RGS6: variants seen among roughly 807,000 people sequenced by gnomAD.
The protein encoded by RGS6 is regulator of G protein signaling 6.
In RGS6, 30 loss-of-function variants were observed where a neutral mutation model predicts 78.5. The ratio of observed to expected loss-of-function variants is 0.38; its 90% CI spans 0.29 to 0.52. The LOEUF (loss-of-function observed/expected upper bound fraction) is 0.52. Among genes scored for constraint, RGS6 ranks in the 20% least tolerant of loss-of-function variants. RGS6 has a pLI of 0.85. For synonymous variants in RGS6, 206 were observed against 206.0 expected, an observed-to-expected ratio of 1.00 and a Z score of 0.00; for missense variants, 495 against 609.7, an observed-to-expected ratio of 0.81 and a Z score of 1.98.
At chr14:71,872,226 C>T in the RGS6 span, among the ~76,000 whole-genome samples, 1 of 152,214 alleles carries the variant, frequency 6.6e-6, no homozygotes, top group Non-Finnish European at 1.5e-5. Flanking sequence ...TTCTACACTT[C>T]CATCCACAGG....
intron 2 of RGS6, among the ~76,000 whole-genome samples, chr14:72,301,256 ATT>A (rs2065990487): frequency 6.6e-6 from 1 of 152,176 alleles, no homozygotes; most frequent in South Asian, 2.1e-4. Flanking sequence ...GGAACTTTTG[ATT>A]TATTTGTCAT....
chr14:72,111,585 G>A (rs550434973), intron 2 of RGS6, among the ~76,000 whole-genome samples: 7 of 152,230 alleles, frequency 4.6e-5, no homozygotes, highest in African/African-American at 1.7e-4. Context: ...CATGTTAAAA[G>A]GCCTAGTAAA....
At chr14:72,395,386 C>T (rs1417673811) in intron 3 of RGS6, among the ~76,000 whole-genome samples, 1 of 151,914 alleles carries the variant, frequency 6.6e-6, no homozygotes, top group East Asian at 1.9e-4. Flanking sequence ...GATAGACACA[C>T]TATAAAAATG....
At chr14:72,234,588 T>C (rs2153815487) in intron 2 of RGS6, among the ~76,000 whole-genome samples, 1 of 152,268 alleles carries the variant, frequency 6.6e-6, no homozygotes, top group Middle Eastern at 3.4e-3. Context: ...TACAGAGCTG[T>C]GATCGTCTTG....
At chr14:72,188,601 C>T (rs1012754842) in intron 2 of RGS6, among the ~76,000 whole-genome samples, 6 of 152,292 alleles carry the variant, frequency 3.9e-5, no homozygotes, top group African/African-American at 1.2e-4. Flanking sequence ...GTCATTGTTA[C>T]GTTGCATTCA....
At chr14:72,558,624 A>G (rs1289773684) in intron 17 of RGS6, among the ~76,000 whole-genome samples, 1 of 152,190 alleles carries the variant, frequency 6.6e-6, no homozygotes, top group African/African-American at 2.4e-5. Context: ...ACCTTCTTCC[A>G]GGCTCCTAGC....
At position 72,518,485 on chromosome 14, in the gene RGS6, T is replaced by C. The variant is rs768999773; in HGVS notation, c.1226T>C (p.Ile409Thr). The change falls in exon 15 of 18, where the codon ATA becomes ACA. Residue 409 changes from isoleucine (I) to threonine (T), a missense_variant. Transcript: ENST00000553525. ...AINLDSHSYEITSQNVKDGGR... is the reference protein window; with the variant it reads ...AINLDSHSYETTSQNVKDGGR... ...AACCTGGATTCTCACAGCTATGAGA[T>C]AACCAGTCAAAATGTCAAAGATGGA... is the stretch of plus-strand genomic sequence containing the variant. 1 of 1,614,244 alleles carries C rather than the reference T, an allele frequency of 6.2e-7. No individual in the cohort carries two copies.
chr14:72,242,752 A>G (rs2053189013), intron 2 of RGS6, among the ~76,000 whole-genome samples: 1 of 151,260 alleles, frequency 6.6e-6, no homozygotes, highest in East Asian at 2.0e-4. Flanking sequence ...TCACTACTGT[A>G]TGGACAAGGG....
intron 2 of RGS6, among the ~76,000 whole-genome samples, chr14:71,994,247 C>T (rs544606729): frequency 6.6e-6 from 1 of 152,120 alleles, no homozygotes; most frequent in Admixed American, 6.5e-5. Flanking sequence ...GGGCCTCCCT[C>T]AATACCAAGG....
the RGS6 span, among the ~76,000 whole-genome samples, chr14:71,890,358 CAGAGAGAGAGAGAG>C: frequency 1.5e-5 from 2 of 133,008 alleles, no homozygotes. Context: ...GTGCATAAGA[CAGAGAGAGAGAGAG>C]AGAGAGAGAG....
chr14:72,625,801 C>G, the RGS6 span, among the ~76,000 whole-genome samples: 1 of 152,190 alleles, frequency 6.6e-6, no homozygotes, highest in Non-Finnish European at 1.5e-5. Context: ...CTATTCCAAA[C>G]CAATGCCTTC....
At chr14:72,413,707 C>T (rs559365967) in intron 3 of RGS6, among the ~76,000 whole-genome samples, 5 of 152,096 alleles carry the variant, frequency 3.3e-5, no homozygotes, top group African/African-American at 4.8e-5. Flanking sequence ...GCTGGTACTG[C>T]GGTTGTTCCT....
intron 2 of RGS6, among the ~76,000 whole-genome samples, chr14:71,999,372 C>T (rs183478107): frequency 1.6e-4 from 25 of 152,230 alleles, no homozygotes; most frequent in East Asian, 1.2e-3. Flanking sequence ...TAAATGCTCC[C>T]GGGATGGTGC....
the RGS6 span, among the ~76,000 whole-genome samples, chr14:72,586,993 G>T: frequency 6.6e-6 from 1 of 152,096 alleles, no homozygotes; most frequent in African/African-American, 2.4e-5. Context: ...TCCCCACAAA[G>T]AATGGACAGA....
At chr14:72,478,036 C>T (rs566238227) in intron 11 of RGS6, among the ~76,000 whole-genome samples, 1 of 152,078 alleles carries the variant, frequency 6.6e-6, no homozygotes, top group South Asian at 2.1e-4. Context: ...TAAATCACAC[C>T]ACAGTATAGG....
At chr14:71,927,279 A>C in the RGS6 span, among the ~76,000 whole-genome samples, 2 of 152,242 alleles carry the variant, frequency 1.3e-5, no homozygotes, top group Admixed American at 6.5e-5. Flanking sequence ...GACTTTGTAA[A>C]TATGCATTGC....
At chr14:72,353,003 T>A (rs558985444) in intron 3 of RGS6, among the ~76,000 whole-genome samples, 12 of 152,356 alleles carry the variant, frequency 7.9e-5, no homozygotes, top group South Asian at 2.1e-4. Context: ...GTTTTCACTA[T>A]ATACCTTTTA....
chr14:72,620,105 C>A, the RGS6 span: 1,797 of 1,032,098 alleles, frequency 1.7e-3, 9 homozygotes, highest in African/African-American at 0.014. Flanking sequence ...CCTTTCCAGG[C>A]CCCACTTGGA....
chr14:71,935,377 C>CAATTATTAT (rs1435575398), intron 1 of RGS6, among the ~76,000 whole-genome samples: 2 of 152,100 alleles, frequency 1.3e-5, no homozygotes, highest in African/African-American at 4.8e-5. Context: ...AAATATTATT[C>CAATTATTAT]TAGTCAATTA....
Sources: gnomAD v4.1 joint callset for allele counts (sites outside exome capture counted in the v4.1 genomes callset) on GRCh38, gnomAD v4.1.1 for gene constraint, MANE v1.5 for transcripts, NCBI Gene and HGNC (gene_info 2026-07-23, HGNC 2026-07-21) for gene names.